The following SNX13 variants were observed in gnomAD, a reference collection of about 807,000 sequenced individuals.
The protein encoded by SNX13 is sorting nexin 13.
Under a neutral mutation model 133.6 loss-of-function variants are expected in SNX13, and 45 were observed. The observed-to-expected ratio is 0.34, with a 90% confidence interval of 0.27 to 0.43. SNX13 has a LOEUF of 0.43. Among genes scored for constraint, SNX13 ranks in the 20% least tolerant of loss-of-function variants. SNX13 has a pLI of 1.00. For synonymous variants in SNX13, 414 were observed against 373.9 expected (o/e 1.11, Z -1.24); for missense variants, 1,032 against 1,145.1 (o/e 0.90, Z 1.43).
chr7:17,850,694 A>C, intron 10 of SNX13, 132 bp downstream of exon 10: 1 of 749,786 alleles, frequency 1.3e-6, no homozygotes, highest in Non-Finnish European at 2.0e-6. Context: ...AGCACATGTT[A>C]ACCTAATAAG....
intron 18 of SNX13, 111 bp from the exon 19 acceptor site, chr7:17,816,400 G>A (rs925826306): frequency 1.6e-5 from 21 of 1,295,856 alleles, no homozygotes; most frequent in South Asian, 1.1e-4. Flanking sequence ...GGTGGCTCAC[G>A]CCTGTAATCC....
intron 1 of SNX13, among the ~76,000 whole-genome samples, chr7:17,925,848 A>C (rs959929538): frequency 6.6e-5 from 10 of 152,150 alleles, no homozygotes; most frequent in African/African-American, 1.9e-4. Context: ...GGAGGAATAA[A>C]GGTATTCTAT....
chr7:17,813,181 G>T (rs1299256265), intron 20 of SNX13, among the ~76,000 whole-genome samples: 1 of 151,956 alleles, frequency 6.6e-6, no homozygotes, highest in Non-Finnish European at 1.5e-5. Context: ...TTGTTGTTTG[G>T]TTAAAAAAAA....
Position 17,796,809 on chromosome 7 carries a change from C to G in SNX13, c.2626+18G>C, listed in dbSNP as rs745998009. 4 of 1,528,354 alleles carry G rather than the reference C, an allele frequency of 2.6e-6. No individual in the cohort carries two copies. Among genetic ancestry groups the G allele is most frequent in the Non-Finnish European group, 3.6e-6 (4 of 1,104,552 alleles). 94.7% of individuals were successfully genotyped at this position (1,528,354 alleles called of 1,614,324 possible). A position where few individuals can be genotyped will look rare whatever the true frequency, so the allele number is the denominator to read the frequency against. ...AATGACAAATTATAAAGATTTTTAA[C>G]TATACATGCTCACTCACCTGGCATA... is the stretch of plus-strand genomic sequence containing the variant. On this transcript the variant is annotated intron_variant, in intron 25 of 25. Transcript: ENST00000428135.
intron 15 of SNX13, chr7:17,831,832 G>T (rs1005371846): frequency 3.1e-6 from 3 of 982,690 alleles, no homozygotes; most frequent in Admixed American, 6.2e-5. Flanking sequence ...CATATAAAAA[G>T]AAGTATATCA....
In SNX13 at chr7:17,829,993, C is replaced by T; in HGVS notation, c.1635+17G>A. The T allele has an allele frequency of 1.3e-6, 2 of 1,505,734 alleles. No homozygotes were observed. The highest frequency in any genetic ancestry group is 1.3e-5 in the South Asian group (1 of 79,510). The allele number at this position is 1,505,734 out of a possible 1,614,324, so 93.3% of individuals were successfully genotyped here. On this transcript the variant is annotated intron_variant, in intron 16 of 25. Coordinates refer to ENST00000428135, the MANE Select transcript of SNX13 (RefSeq NM_015132.5). ...ATTTTCAAGTCACTTTAATAAAGTA[C>T]CCATAATAGTACTTACCAAATTTAT... is the stretch of plus-strand genomic sequence containing the variant.
At position 17,818,595 on chromosome 7, in the gene SNX13, T is replaced by C. The variant is rs148009129; in HGVS notation, c.1846-2306A>G. On this transcript the variant is annotated intron_variant, in intron 18 of 25. Transcript: ENST00000428135. ...GCCCATTCCCTGAAAAGTAATATAA[T>C]CCCCTCTGCCAAAAATTCATGAAAA... Among the ~76,000 whole-genome samples, 4 of 151,914 alleles carry C rather than the reference T, an allele frequency of 2.6e-5. No individual in the cohort carries two copies. In the East Asian group the frequency reaches 7.7e-4, roughly 29 times the overall value.
chr7:17,819,424 G>A (rs1375488056), intron 18 of SNX13, among the ~76,000 whole-genome samples: 3 of 151,918 alleles, frequency 2.0e-5, no homozygotes, highest in Non-Finnish European at 2.9e-5. Context: ...ATGAGGATTC[G>A]CCATGTTGCC....
chr7:17,912,115 A>G (rs1330365387), intron 1 of SNX13, among the ~76,000 whole-genome samples: 2 of 152,260 alleles, frequency 1.3e-5, no homozygotes, highest in Non-Finnish European at 2.9e-5. Context: ...GAAAGAAAAC[A>G]GGATTCACCA....
In SNX13 at chr7:17,794,043, T is replaced by C; in HGVS notation, c.*2A>G. ...TGAACACCAGCTTCATAGAGTGGAG[T>C]GTCACCTTTTCTGCAAAGAAGGCGC... On this transcript the variant is annotated 3_prime_UTR_variant, in exon 26 of 26. Transcript: ENST00000428135. The C allele has an allele frequency of 6.2e-7, 1 of 1,610,412 alleles. No individual in the cohort carries two copies. Among genetic ancestry groups the C allele is most frequent in the South Asian group, 1.1e-5 (1 of 90,872 alleles).
chr7:17,919,932 A>ACCAGC (rs1583785135), intron 1 of SNX13, among the ~76,000 whole-genome samples: 1 of 152,150 alleles, frequency 6.6e-6, no homozygotes, highest in Non-Finnish European at 1.5e-5. Context: ...GGAGTTCAAA[A>ACCAGC]CCAGCCTAGG....
intron 1 of SNX13, among the ~76,000 whole-genome samples, chr7:17,923,181 A>G (rs1217897784): frequency 2.0e-5 from 3 of 152,196 alleles, no homozygotes; most frequent in Non-Finnish European, 4.4e-5. Flanking sequence ...GTACTCCACC[A>G]CGTGAAAAAA....
At position 17,814,907 on chromosome 7, in the gene SNX13, G is replaced by A. The variant is rs969920983; in HGVS notation, c.1991C>T (p.Ala664Val). 3.3e-6 allele frequency: 5 copies of A among 1,530,120 alleles called. No homozygotes were observed. The highest frequency in any genetic ancestry group is 4.4e-6 in the Non-Finnish European group (5 of 1,148,530). 94.8% of individuals were successfully genotyped at this position (1,530,120 alleles called of 1,614,324 possible). ...LAPEMMKASP[A>V]LAHYVYDFLE... ...GAAATCATACACATAGTGAGCTAAAGCGGGGGATGCCTTCATCATTTCAGG... is the reference window on the plus strand; with the variant it reads ...GAAATCATACACATAGTGAGCTAAAACGGGGGATGCCTTCATCATTTCAGG... Residue 664 changes from alanine (A) to valine (V), a missense_variant, in exon 20 of 26, where the codon GCT becomes GTT. Physicochemically the swap from Ala to Val is moderately conservative, Grantham distance 64. Coordinates refer to ENST00000428135, the MANE Select transcript of SNX13 (RefSeq NM_015132.5).
At chr7:17,846,694 A>G (rs991320353) in intron 11 of SNX13, among the ~76,000 whole-genome samples, 2 of 152,150 alleles carry the variant, frequency 1.3e-5, no homozygotes, top group African/African-American at 4.8e-5. Flanking sequence ...CATCTCTATA[A>G]TTTGTATTTT....
intron 9 of SNX13, among the ~76,000 whole-genome samples, chr7:17,860,179 G>A (rs149986030): frequency 3.4e-3 from 519 of 151,922 alleles, no homozygotes; most frequent in Non-Finnish European, 5.5e-3. Flanking sequence ...TTTTAATAGT[G>A]ACCAAATGGT....
intron 2 of SNX13, among the ~76,000 whole-genome samples, chr7:17,894,383 T>G (rs1251074174): frequency 1.3e-5 from 2 of 152,074 alleles, no homozygotes; most frequent in Non-Finnish European, 2.9e-5. Context: ...TCTAAATATG[T>G]AGCTAAATGA....
At chr7:17,925,422 A>G (rs1273081927) in intron 1 of SNX13, among the ~76,000 whole-genome samples, 1 of 152,192 alleles carries the variant, frequency 6.6e-6, no homozygotes, top group Non-Finnish European at 1.5e-5. Flanking sequence ...TATATGAATT[A>G]TATCTCAATA....
chr7:17,849,209 G>A (rs1790912643), intron 11 of SNX13, among the ~76,000 whole-genome samples: 1 of 152,118 alleles, frequency 6.6e-6, no homozygotes, highest in Non-Finnish European at 1.5e-5. Flanking sequence ...TCCTCTCTCA[G>A]TGTTACCCAA....
At chr7:17,852,764 G>C (rs889675605) in intron 9 of SNX13, among the ~76,000 whole-genome samples, 2 of 152,180 alleles carry the variant, frequency 1.3e-5, no homozygotes, top group African/African-American at 2.4e-5. Context: ...CAGAAAGAAA[G>C]TGTAAAATTG....
Sources: gnomAD v4.1 joint callset for allele counts (sites outside exome capture counted in the v4.1 genomes callset) on GRCh38, gnomAD v4.1.1 for gene constraint, MANE v1.5 for transcripts, NCBI Gene and HGNC (gene_info 2026-07-23, HGNC 2026-07-21) for gene names.